The following GLDN variants were observed in gnomAD, a reference collection of about 807,000 sequenced individuals.
GLDN encodes collomin.
In GLDN, 47 loss-of-function variants were observed where a neutral mutation model predicts 56.5. That is an observed-to-expected ratio of 0.83 (90% CI 0.66 to 1.06). The LOEUF (loss-of-function observed/expected upper bound fraction) is 1.06. Ranked by LOEUF, GLDN falls within the 50% of genes least tolerant of loss-of-function variation. The pLI is 0.00. For synonymous variants in GLDN, 332 were observed against 278.8 expected (o/e 1.19, Z -1.90); for missense variants, 782 against 714.3 (o/e 1.09, Z -1.08).
At chr15:51,404,159 T>C in intron 9 of GLDN, 118 bp from the exon 10 acceptor site, 1 of 754,602 alleles carries the variant, frequency 1.3e-6, no homozygotes, top group East Asian at 2.4e-5. Context: ...TTGTAAGGAA[T>C]GCAAAATCCC....
At chr15:51,371,682 A>G (rs2037519416) in intron 1 of GLDN, among the ~76,000 whole-genome samples, 1 of 152,130 alleles carries the variant, frequency 6.6e-6, no homozygotes, top group East Asian at 1.9e-4. Flanking sequence ...ATAATTTATA[A>G]GAAAAGAATT....
chr15:51,372,411 T>C (rs1311182985), intron 1 of GLDN, among the ~76,000 whole-genome samples: 1 of 152,234 alleles, frequency 6.6e-6, no homozygotes, highest in African/African-American at 2.4e-5. Flanking sequence ...TCTTCCCACC[T>C]GGGAGATGAA....
rs368685811 is a variant in GLDN, at chr15:51,404,988, C to T, written c.*234C>T. The T allele has an allele frequency of 9.9e-4, 417 of 422,682 alleles. 5 individuals are homozygous for T. The South Asian group carries it at 0.013, about 13-fold the overall frequency. 26.2% of individuals were successfully genotyped at this position (422,682 alleles called of 1,614,324 possible). The stretch of plus-strand genomic sequence containing the variant: ...TGCAAGTTACCTCTTTCTCCTTGGG[C>T]CTTAGTTTCCCCATTGGTAATCTGA... On this transcript the variant is annotated 3_prime_UTR_variant, in exon 10 of 10. Transcript: ENST00000335449.
intron 4 of GLDN, 107 bp downstream of exon 4, chr15:51,383,999 A>C (rs115568296): frequency 4.6e-6 from 4 of 869,120 alleles, no homozygotes; most frequent in Non-Finnish European, 7.6e-6. Context: ...TCATCTCTGC[A>C]CAGTTTAAGG....
chr15:51,367,795 C>A (rs894903132), intron 1 of GLDN, among the ~76,000 whole-genome samples: 9 of 152,202 alleles, frequency 5.9e-5, no homozygotes, highest in Non-Finnish European at 1.0e-4. Flanking sequence ...CAGCCCAGAG[C>A]AGCCCTGGGT....
chr15:51,358,402 A>G (rs1047876432), intron 1 of GLDN, among the ~76,000 whole-genome samples: 2 of 152,168 alleles, frequency 1.3e-5, no homozygotes, highest in Non-Finnish European at 2.9e-5. Flanking sequence ...AATTTAAAAT[A>G]CACCCCGAAC....
intron 1 of GLDN, among the ~76,000 whole-genome samples, chr15:51,366,813 G>T (rs1205157861): frequency 1.3e-5 from 2 of 151,970 alleles, no homozygotes; most frequent in Non-Finnish European, 2.9e-5. Flanking sequence ...CAGGAGAATT[G>T]CTTTAGCCTG....
At chr15:51,374,569 T>C (rs1362885686) in intron 1 of GLDN, among the ~76,000 whole-genome samples, 1 of 152,186 alleles carries the variant, frequency 6.6e-6, no homozygotes, top group Non-Finnish European at 1.5e-5. Flanking sequence ...TATTTTCTTA[T>C]CTGAATTAAA....
chr15:51,396,870 G>C (rs940112280), intron 5 of GLDN, among the ~76,000 whole-genome samples: 1 of 152,210 alleles, frequency 6.6e-6, no homozygotes, highest in Non-Finnish European at 1.5e-5. Context: ...ATGTTGCTAT[G>C]CAAAACATGT....
intron 9 of GLDN, among the ~76,000 whole-genome samples, chr15:51,402,400 A>G (rs948783468): frequency 2.4e-4 from 37 of 152,238 alleles, no homozygotes; most frequent in Admixed American, 2.4e-3. Flanking sequence ...CATCTTGGGC[A>G]AATCAAGAGA....
intron 4 of GLDN, chr15:51,384,978 G>A (rs899973868): frequency 6.6e-6 from 1 of 152,140 alleles, no homozygotes; most frequent in Non-Finnish European, 1.5e-5. Flanking sequence ...CAGTGGAGAG[G>A]GAAAAATTGT....
chr15:51,376,635 A>G (rs907818319), intron 1 of GLDN, among the ~76,000 whole-genome samples: 7 of 152,146 alleles, frequency 4.6e-5, no homozygotes, highest in Non-Finnish European at 8.8e-5. Flanking sequence ...GTAATAACAC[A>G]ACACAAACAC....
chr15:51,383,504 C>T (rs375965136), intron 3 of GLDN, 51 bp downstream of exon 3: 195 of 1,601,946 alleles, frequency 1.2e-4, no homozygotes, highest in Non-Finnish European at 1.6e-4. Context: ...GGTGGCCAGA[C>T]CCTAGGATCT....
chr15:51,357,781 C>A (rs2037214424), intron 1 of GLDN, among the ~76,000 whole-genome samples: 1 of 152,210 alleles, frequency 6.6e-6, no homozygotes, highest in Non-Finnish European at 1.5e-5. Flanking sequence ...TCAGATAAGA[C>A]TTTCTTGAGG....
chr15:51,346,894 T>A (rs1237934459), intron 1 of GLDN, among the ~76,000 whole-genome samples: 1 of 152,060 alleles, frequency 6.6e-6, no homozygotes, highest in South Asian at 2.1e-4. Context: ...GGTGAAACCC[T>A]GTCTCTACTA....
At chr15:51,375,001 T>A (rs2141084503) in intron 1 of GLDN, among the ~76,000 whole-genome samples, 1 of 152,266 alleles carries the variant, frequency 6.6e-6, no homozygotes. Flanking sequence ...AGCACTGGGA[T>A]TACAGACATG....
intron 1 of GLDN, among the ~76,000 whole-genome samples, chr15:51,368,578 T>A (rs1331393892): frequency 6.6e-6 from 1 of 150,880 alleles, no homozygotes; most frequent in Non-Finnish European, 1.5e-5. Context: ...TCCAAGCAGC[T>A]GCATACAAGA....
At chr15:51,346,232 G>T (rs1285135267) in intron 1 of GLDN, among the ~76,000 whole-genome samples, 1 of 151,998 alleles carries the variant, frequency 6.6e-6, no homozygotes, top group African/African-American at 2.4e-5. Context: ...AGCATTCCTG[G>T]CAAGGAAACC....
At chr15:51,383,734 AATT>A in intron 3 of GLDN, 48 bp from the exon 4 acceptor site, 1 of 1,261,740 alleles carries the variant, frequency 7.9e-7, no homozygotes. Flanking sequence ...TTCAGTGAAT[AATT>A]TTTTTTTTTT....
Sources: gnomAD v4.1 joint callset for allele counts (sites outside exome capture counted in the v4.1 genomes callset) on GRCh38, gnomAD v4.1.1 for gene constraint, MANE v1.5 for transcripts, NCBI Gene and HGNC (gene_info 2026-07-23, HGNC 2026-07-21) for gene names.